Variants in GPC5 observed in about 807,000 individuals in gnomAD.
GPC5 encodes the protein glypican-5.
In GPC5, 47 loss-of-function variants were observed where a neutral mutation model predicts 53.9. The ratio of observed to expected loss-of-function variants is 0.87; its 90% CI spans 0.69 to 1.11. The LOEUF (loss-of-function observed/expected upper bound fraction) is 1.11, where lower values mean the gene tolerates loss of function less well. Among genes scored for constraint, GPC5 ranks in the 50% most tolerant of loss-of-function variants. GPC5 has a pLI of 0.00. For synonymous variants in GPC5, 286 were observed against 263.3 expected (o/e 1.09, Z -0.84); for missense variants, 748 against 713.1 (o/e 1.05, Z -0.56).
chr13:92,533,504 C>T (rs1228271266), intron 7 of GPC5, among the ~76,000 whole-genome samples: 3 of 152,158 alleles, frequency 2.0e-5, no homozygotes, highest in East Asian at 1.9e-4. Flanking sequence ...TGCTGAAACC[C>T]GTATAATATA....
intron 7 of GPC5, among the ~76,000 whole-genome samples, chr13:92,398,294 T>A (rs1464260871): frequency 1.3e-5 from 2 of 149,262 alleles, no homozygotes; most frequent in Non-Finnish European, 3.0e-5. Context: ...CCGGGCGTAG[T>A]GGCGGGCGCC....
chr13:92,663,595 CTACTATATATATATA>C (rs1886425024), intron 7 of GPC5, among the ~76,000 whole-genome samples: 1 of 74,214 alleles, frequency 1.3e-5, no homozygotes, highest in Non-Finnish European at 3.6e-5. Context: ...ATATATATAT[CTACTATATATATATA>C]TATCTACTAT....
chr13:92,662,162 T>C (rs2139187509), intron 7 of GPC5, among the ~76,000 whole-genome samples: 1 of 152,258 alleles, frequency 6.6e-6, no homozygotes, highest in Non-Finnish European at 1.5e-5. Context: ...ATAACTCAAC[T>C]CCCAATGTGT....
chr13:92,253,636 T>C (rs990608497), intron 7 of GPC5, among the ~76,000 whole-genome samples: 1 of 152,084 alleles, frequency 6.6e-6, no homozygotes, highest in Admixed American at 6.6e-5. Flanking sequence ...GTATAGGTTG[T>C]TGTGAGATTA....
chr13:92,782,410 C>T (rs921369417), intron 7 of GPC5, among the ~76,000 whole-genome samples: 69 of 152,094 alleles, frequency 4.5e-4, no homozygotes, highest in African/African-American at 1.5e-3. Context: ...TCTAGGAGAA[C>T]GTAGAGGGAT....
chr13:91,716,114 A>G (rs564829425), intron 3 of GPC5, among the ~76,000 whole-genome samples: 2 of 152,192 alleles, frequency 1.3e-5, no homozygotes, highest in South Asian at 4.2e-4. Flanking sequence ...TACAAAGTAC[A>G]TAAAAACTAT....
Position 92,589,036 on chromosome 13 carries a change from A to G in GPC5, c.1562-277246A>G, listed in dbSNP as rs1594326922. ...TTCCAGAGTTATGTCTCAAGGGAAG[A>G]AAAACATGTGGCAGTTTCTTTGTAT... is the stretch of plus-strand genomic sequence containing the variant. On this transcript the variant is annotated intron_variant, in intron 7 of 7. Transcript: ENST00000377067. Among the ~76,000 whole-genome samples the G allele has an allele frequency of 2.6e-5, 4 of 152,208 alleles. No homozygotes were observed. In the South Asian group the frequency reaches 8.3e-4, roughly 32 times the overall value.
chr13:91,526,230 T>C (rs1453594680), intron 2 of GPC5, among the ~76,000 whole-genome samples: 1 of 152,246 alleles, frequency 6.6e-6, no homozygotes, highest in African/African-American at 2.4e-5. Context: ...CTTTTACAAC[T>C]GTTTCACAAG....
At chr13:92,274,277 C>T (rs1036621615) in intron 7 of GPC5, among the ~76,000 whole-genome samples, 4 of 151,972 alleles carry the variant, frequency 2.6e-5, no homozygotes, top group Non-Finnish European at 4.4e-5. Context: ...ATTTTGAATT[C>T]TTCTTCTCTT....
intron 7 of GPC5, among the ~76,000 whole-genome samples, chr13:92,183,435 A>T (rs2042162011): frequency 6.6e-6 from 1 of 152,076 alleles, no homozygotes; most frequent in Non-Finnish European, 1.5e-5. Flanking sequence ...TTTCATACTT[A>T]CAGTGTTGCA....
At chr13:92,270,124 G>A (rs2042830065) in intron 7 of GPC5, among the ~76,000 whole-genome samples, 1 of 152,080 alleles carries the variant, frequency 6.6e-6, no homozygotes, top group South Asian at 2.1e-4. Flanking sequence ...GGAACATAGG[G>A]ATCATGATGG....
intron 7 of GPC5, among the ~76,000 whole-genome samples, chr13:92,829,500 G>C (rs1330407080): frequency 6.6e-6 from 1 of 152,096 alleles, no homozygotes; most frequent in African/African-American, 2.4e-5. Flanking sequence ...TGAAATATTT[G>C]TTTAACCAGA....
intron 6 of GPC5, among the ~76,000 whole-genome samples, chr13:92,044,513 C>G (rs1457026612): frequency 6.6e-6 from 1 of 152,150 alleles, no homozygotes; most frequent in Non-Finnish European, 1.5e-5. Flanking sequence ...CCAAAGCTAA[C>G]GTATGTGTTT....
chr13:91,940,457 A>T (rs2039915977), intron 6 of GPC5, among the ~76,000 whole-genome samples: 3 of 152,100 alleles, frequency 2.0e-5, no homozygotes, highest in Non-Finnish European at 4.4e-5. Context: ...ATGAATGTAT[A>T]AGTGCATGTG....
At chr13:92,579,479 A>C (rs1209775275) in intron 7 of GPC5, among the ~76,000 whole-genome samples, 2 of 151,950 alleles carry the variant, frequency 1.3e-5, no homozygotes, top group Non-Finnish European at 2.9e-5. Flanking sequence ...AGTATTCCTG[A>C]TTACAGATGA....
intron 7 of GPC5, among the ~76,000 whole-genome samples, chr13:92,808,150 A>C (rs1245995040): frequency 7.2e-6 from 1 of 139,570 alleles, no homozygotes; most frequent in Non-Finnish European, 1.5e-5. Context: ...AAAAATAAAC[A>C]AAACATTTCT....
intron 6 of GPC5, among the ~76,000 whole-genome samples, chr13:91,972,362 C>A (rs1366960261): frequency 6.6e-6 from 1 of 152,130 alleles, no homozygotes; most frequent in Non-Finnish European, 1.5e-5. Context: ...ATGTGTGTCT[C>A]TGCACGTGAG....
chr13:92,566,747 G>A (rs1882874812), intron 7 of GPC5, among the ~76,000 whole-genome samples: 1 of 152,038 alleles, frequency 6.6e-6, no homozygotes, highest in South Asian at 2.1e-4. Flanking sequence ...TTCTTCAGTT[G>A]TATTGATGCA....
chr13:91,906,002 T>C (rs2039548840), intron 5 of GPC5, among the ~76,000 whole-genome samples: 3 of 152,004 alleles, frequency 2.0e-5, no homozygotes, highest in African/African-American at 7.2e-5. Flanking sequence ...TAGTGTACAT[T>C]GTACCAAACA....
Sources: gnomAD v4.1 joint callset for allele counts (sites outside exome capture counted in the v4.1 genomes callset) on GRCh38, gnomAD v4.1.1 for gene constraint, MANE v1.5 for transcripts, NCBI Gene and HGNC (gene_info 2026-07-23, HGNC 2026-07-21) for gene names.